The following PCDHGA4 variants were observed in gnomAD, a reference collection of about 807,000 sequenced individuals.
PCDHGA4 encodes the protein protocadherin gamma-A4.
A neutral mutation model predicts 54.6 loss-of-function variants in PCDHGA4; 38 were observed. The ratio of observed to expected loss-of-function variants is 0.70; its 90% CI spans 0.54 to 0.91. The LOEUF (loss-of-function observed/expected upper bound fraction) is 0.91. Among genes scored for constraint, PCDHGA4 ranks in the 40% least tolerant of loss-of-function variants. The pLI is 0.00. For missense variants in PCDHGA4, 1,298 were observed against 1,220.9 expected (o/e 1.06, Z -0.94); for synonymous variants, 511 against 512.9 (o/e 1.00, Z 0.05).
rs762413220 is a variant in PCDHGA4 at position 141,403,196 on chromosome 5, G to T, written c.2514+45575G>T. 1.9e-6 allele frequency: 3 copies of T among 1,613,986 alleles called. No individual in the cohort carries two copies. The South Asian group carries it at 3.3e-5, about 18-fold the overall frequency. ...GCTTTTCTCTCTGAACCCGCGCAGC[G>T]GCACCTTGGTCACCGCGGGTAGGAT... is the stretch of plus-strand genomic sequence containing the variant. On this transcript the variant is annotated intron_variant, in intron 1 of 3. Transcript: ENST00000571252.
chr5:141,364,722 C>G lies in PCDHGA4; in HGVS notation c.2514+7101C>G, dbSNP rs779536020. The G allele has an allele frequency of 8.1e-6, 13 of 1,613,884 alleles. No individual in the cohort carries two copies. The South Asian group carries it at 1.4e-4, about 18-fold the overall frequency. ...ATAATCGATATTAATGATAACTTCC[C>G]GCGTTTCCGGGATGAAGAGTTAAAA... is the stretch of plus-strand genomic sequence containing the variant. On this transcript the variant is annotated intron_variant, in intron 1 of 3. Transcript: ENST00000571252.
intron 1 of PCDHGA4, among the ~76,000 whole-genome samples, chr5:141,479,998 G>A (rs2099511091): frequency 6.6e-6 from 1 of 152,272 alleles, no homozygotes; most frequent in South Asian, 2.1e-4. Flanking sequence ...AGGAGTCTGT[G>A]GCCAAGTTAC....
In PCDHGA4 at chr5:141,485,539, G is replaced by T; in HGVS notation, c.2515-9268G>T. 6.2e-7 allele frequency: 1 copy of T among 1,614,104 alleles called. No individual in the cohort carries two copies. Among genetic ancestry groups the T allele is most frequent in the Non-Finnish European group, 8.5e-7 (1 of 1,179,998 alleles). On this transcript the variant is annotated intron_variant, in intron 1 of 3. Coordinates refer to ENST00000571252, the MANE Select transcript of PCDHGA4 (RefSeq NM_018917.4). This position sits in a 1 kb window ranked among gnomAD's most constrained non-coding sequence, Gnocchi z 5.7. ...TGGAAATGTACCGAGCAGAGGTAGA[G>T]ATCGTAGATGTGAATGATCACGCCC...
chr5:141,421,670 T>A, intron 1 of PCDHGA4: 3 of 1,613,892 alleles, frequency 1.9e-6, no homozygotes, highest in Non-Finnish European at 2.5e-6. Flanking sequence ...GAGCACGCAA[T>A]TCCTGGGGCG....
intron 1 of PCDHGA4, chr5:141,419,325 A>G (rs1490162008): frequency 6.2e-7 from 1 of 1,613,586 alleles, no homozygotes; most frequent in Non-Finnish European, 8.5e-7. Flanking sequence ...CGTGTCTCCT[A>G]CTCTCTCATT....
chr5:141,437,628 T>C (rs2097897572), intron 1 of PCDHGA4, among the ~76,000 whole-genome samples: 1 of 152,212 alleles, frequency 6.6e-6, no homozygotes, highest in African/African-American at 2.4e-5. Context: ...CCATATAAGA[T>C]GTCAGGTTCA....
intron 1 of PCDHGA4, chr5:141,421,442 A>G (rs769354611): frequency 1.7e-5 from 27 of 1,613,990 alleles, no homozygotes; most frequent in Non-Finnish European, 2.2e-5. Context: ...TCCAGAGGGA[A>G]GACACAGCTT....
intron 1 of PCDHGA4, chr5:141,389,923 C>T: frequency 6.2e-7 from 1 of 1,614,076 alleles, no homozygotes; most frequent in Non-Finnish European, 8.5e-7. Context: ...CCCGACCCCT[C>T]TGACCTCCAG....
chr5:141,418,840 C>G, intron 1 of PCDHGA4: 1 of 1,614,006 alleles, frequency 6.2e-7, no homozygotes. Flanking sequence ...GAGGATCTCT[C>G]TCAACACGGT....
chr5:141,477,634 G>C lies in PCDHGA4; in HGVS notation c.2515-17173G>C. 2 of 1,614,176 alleles carry C rather than the reference G, an allele frequency of 1.2e-6. No individual in the cohort carries two copies. Among genetic ancestry groups the C allele is most frequent in the Non-Finnish European group, 1.7e-6 (2 of 1,180,034 alleles). On this transcript the variant is annotated intron_variant, in intron 1 of 3. Transcript: ENST00000571252. This position sits in a 1 kb window ranked among gnomAD's most constrained non-coding sequence, Gnocchi z 4.9. Reference sequence around the variant, plus strand: ...AGCAAGGAGCTGAAACCGGGCTAGTGGGTCGCTATTTCACAATAAATCGTG... The same window carrying C: ...AGCAAGGAGCTGAAACCGGGCTAGTCGGTCGCTATTTCACAATAAATCGTG...
chr5:141,443,018 A>G (rs2098358800), intron 1 of PCDHGA4, among the ~76,000 whole-genome samples: 1 of 152,208 alleles, frequency 6.6e-6, no homozygotes, highest in Admixed American at 6.5e-5. Flanking sequence ...TGACTAATGG[A>G]AGTTGCCAGA....
chr5:141,481,913 C>CAAAAAAAAAAAAA (rs34114744), intron 1 of PCDHGA4, among the ~76,000 whole-genome samples: 1 of 90,852 alleles, frequency 1.1e-5, no homozygotes. Flanking sequence ...AACTCCATCT[C>CAAAAAAAAAAAAA]AAAAAAAAAA....
intron 1 of PCDHGA4, chr5:141,364,958 C>T: frequency 1.2e-6 from 2 of 1,613,958 alleles, no homozygotes; most frequent in South Asian, 1.1e-5. Flanking sequence ...TGTTCACGAC[C>T]TCCTCCTCAC....
intron 1 of PCDHGA4, among the ~76,000 whole-genome samples, chr5:141,430,040 T>C (rs1449876504): frequency 1.3e-5 from 2 of 152,232 alleles, no homozygotes; most frequent in African/African-American, 2.4e-5. Flanking sequence ...ATTCTGATAA[T>C]GTATACAATC....
At chr5:141,366,514 A>G (rs766799381) in intron 1 of PCDHGA4, 8 of 1,614,142 alleles carry the variant, frequency 5.0e-6, no homozygotes, top group Non-Finnish European at 6.8e-6. Context: ...TTCAGGCTGA[A>G]GGCAGCAGGT....
chr5:141,459,687 G>A (rs191874235), intron 1 of PCDHGA4, among the ~76,000 whole-genome samples: 15 of 152,278 alleles, frequency 9.9e-5, no homozygotes, highest in Admixed American at 2.0e-4. Context: ...TGCATAAAGC[G>A]TTCCGCTTGC....
chr5:141,390,448 A>AGT, intron 1 of PCDHGA4: 1 of 845,308 alleles, frequency 1.2e-6, no homozygotes, highest in South Asian at 1.8e-5. Context: ...ACAAAGGAGG[A>AGT]GTAAAGTAGG....
intron 1 of PCDHGA4, among the ~76,000 whole-genome samples, chr5:141,457,293 T>A (rs2098916185): frequency 6.6e-6 from 1 of 152,226 alleles, no homozygotes; most frequent in Admixed American, 6.5e-5. Context: ...TTCCTTGGTT[T>A]TATTTTCCCA....
intron 2 of PCDHGA4, among the ~76,000 whole-genome samples, chr5:141,497,832 G>A (rs1326640712): frequency 1.3e-5 from 2 of 151,992 alleles, no homozygotes; most frequent in Non-Finnish European, 2.9e-5. Context: ...GATCGCCCCC[G>A]GCCACAACAA....
Sources: gnomAD v4.1 joint callset for allele counts (sites outside exome capture counted in the v4.1 genomes callset) on GRCh38, gnomAD v4.1.1 for gene constraint, Gnocchi (gnomAD v3.1) non-coding constraint, MANE v1.5 for transcripts, NCBI Gene and HGNC (gene_info 2026-07-23, HGNC 2026-07-21) for gene names.